The following CFAP20DC variants were observed in gnomAD, a reference collection of about 807,000 sequenced individuals.
CFAP20DC encodes the protein protein CFAP20DC.
A neutral mutation model predicts 101.7 loss-of-function variants in CFAP20DC; 84 were observed. The observed-to-expected ratio is 0.83, with a 90% CI of 0.69 to 0.99. The LOEUF is 0.99. Ranked by LOEUF, CFAP20DC falls within the 50% of genes least tolerant of loss-of-function variation. The pLI, the probability that CFAP20DC is intolerant of heterozygous loss-of-function variation, is 0.00. For synonymous variants in CFAP20DC, 359 were observed against 351.2 expected (o/e 1.02, Z -0.25); for missense variants, 1,007 against 970.3 (o/e 1.04, Z -0.50).
rs1157841056 is a variant in CFAP20DC, at chr3:58,964,310, C to T, written c.279-26548G>A. On this transcript the variant is annotated intron_variant, in intron 4 of 16. Coordinates refer to ENST00000482387, the MANE Select transcript of CFAP20DC (RefSeq NM_001394063.1). The surrounding 1 kb of genome is among the most constrained non-coding windows in gnomAD (Gnocchi z 4.1). ...AAATGCCTTCATGTCCTGAAAAGACCTTTTGAGGTACAGGGCCTAACTGTA... is the reference window on the plus strand; with the variant it reads ...AAATGCCTTCATGTCCTGAAAAGACTTTTTGAGGTACAGGGCCTAACTGTA... Among the ~76,000 whole-genome samples the T allele has an allele frequency of 5.9e-5, 9 of 152,200 alleles. No individual in the cohort carries two copies. Among genetic ancestry groups the T allele is most frequent in the Admixed American group, 5.9e-4 (9 of 15,280 alleles).
intron 5 of CFAP20DC, among the ~76,000 whole-genome samples, chr3:58,922,879 T>C (rs1208600564): frequency 2.0e-5 from 3 of 152,160 alleles, no homozygotes; most frequent in Non-Finnish European, 4.4e-5. Context: ...CTATGTCATA[T>C]TATCCATGAC....
intron 15 of CFAP20DC, among the ~76,000 whole-genome samples, chr3:58,756,900 C>CT (rs1434717980): frequency 6.6e-6 from 1 of 152,016 alleles, no homozygotes; most frequent in Non-Finnish European, 1.5e-5. Context: ...CTTCCTCATC[C>CT]TTTTTTTACA....
Position 58,852,484 on chromosome 3 carries a change from C to A in CFAP20DC, c.1594-3075G>T, listed in dbSNP as rs573882548. Among the ~76,000 whole-genome samples, 1,068 of 152,052 alleles carry A rather than the reference C, an allele frequency of 7.0e-3. 14 individuals are homozygous for A. The highest frequency in any genetic ancestry group is 0.024 in the African/African-American group (1,016 of 41,482). On this transcript the variant is annotated intron_variant, in intron 12 of 16. Coordinates refer to ENST00000482387, the MANE Select transcript of CFAP20DC (RefSeq NM_001394063.1). ...GAATTGAACTCAGCTCTGCACCAAG[C>A]GGACCTAATAGACATCTACAGAACT...
chr3:58,898,635 C>T (rs142834293), intron 6 of CFAP20DC, among the ~76,000 whole-genome samples: 189 of 152,274 alleles, frequency 1.2e-3, no homozygotes, highest in African/African-American at 4.3e-3. Context: ...CAACATGCTC[C>T]TTTAGCTCAG....
chr3:58,874,157 G>C lies in CFAP20DC; in HGVS notation c.716-3848C>G, dbSNP rs1196050588. Among the ~76,000 whole-genome samples, 2 of 152,218 alleles carry C rather than the reference G, an allele frequency of 1.3e-5. No individual in the cohort carries two copies. The highest frequency in any genetic ancestry group is 4.8e-5 in the African/African-American group (2 of 41,456). ...AAAGGCACTTCAAACTGGAAACCTGGTCTAATGAATGGGACCACAATCCAT... is the reference window on the plus strand; with the variant it reads ...AAAGGCACTTCAAACTGGAAACCTGCTCTAATGAATGGGACCACAATCCAT... On this transcript the variant is annotated intron_variant, in intron 7 of 16. Transcript: ENST00000482387. The surrounding 1 kb of genome is among the most constrained non-coding windows in gnomAD (Gnocchi z 5.1).
At chr3:59,030,015 A>G (rs555039844) in intron 4 of CFAP20DC, among the ~76,000 whole-genome samples, 41 of 152,308 alleles carry the variant, frequency 2.7e-4, no homozygotes, top group African/African-American at 9.6e-4. Context: ...ACATAGAAAG[A>G]TGCTGAGGAA....
At chr3:58,802,963 G>A (rs571731064) in intron 15 of CFAP20DC, among the ~76,000 whole-genome samples, 1 of 151,308 alleles carries the variant, frequency 6.6e-6, no homozygotes, top group African/African-American at 2.4e-5. Context: ...GTGACAGAGT[G>A]AGACTGTCTC....
intron 4 of CFAP20DC, chr3:59,017,820 T>G (rs570846147): frequency 2.6e-4 from 39 of 152,240 alleles, no homozygotes; most frequent in African/African-American, 9.4e-4. Flanking sequence ...GAATGATTGA[T>G]TCGGCAGCTC....
chr3:58,954,813 A>G (rs2090474467), intron 4 of CFAP20DC, among the ~76,000 whole-genome samples: 3 of 152,162 alleles, frequency 2.0e-5, no homozygotes, highest in Admixed American at 2.0e-4. Context: ...AATGGTTAAC[A>G]TTCTTTACAA....
rs999167789 is a variant in CFAP20DC at position 58,878,965 on chromosome 3, G to A, written c.715+5580C>T. 6.0e-5 allele frequency among the ~76,000 whole-genome samples: 9 copies of A among 151,232 alleles called. No homozygotes were observed. The South Asian group carries it at 1.3e-3, about 21-fold the overall frequency. ...GGAGCTTGCAGCGAGCCAAGATTGT[G>A]CCACTGCACTCCAGCCTGGGCAACA... On this transcript the variant is annotated intron_variant, in intron 7 of 16. Coordinates refer to ENST00000482387, the MANE Select transcript of CFAP20DC (RefSeq NM_001394063.1).
At chr3:58,880,131 A>C (rs1014399878) in intron 7 of CFAP20DC, among the ~76,000 whole-genome samples, 1 of 152,088 alleles carries the variant, frequency 6.6e-6, no homozygotes, top group Non-Finnish European at 1.5e-5. Context: ...ATAGTTGGAA[A>C]ATTAAAATTC....
intron 3 of CFAP20DC, among the ~76,000 whole-genome samples, chr3:59,041,173 T>C (rs1186745031): frequency 6.6e-6 from 1 of 152,118 alleles, no homozygotes; most frequent in African/African-American, 2.4e-5. Context: ...GCAGGATAAG[T>C]GAAATCAGTC....
intron 13 of CFAP20DC, among the ~76,000 whole-genome samples, chr3:58,848,545 G>A (rs374869541): frequency 6.6e-5 from 10 of 152,086 alleles, no homozygotes; most frequent in African/African-American, 9.7e-5. Flanking sequence ...CAAACTAGCC[G>A]AGGGATTTAT....
At chr3:58,860,040 G>A (rs1001340496) in intron 12 of CFAP20DC, among the ~76,000 whole-genome samples, 6 of 151,886 alleles carry the variant, frequency 4.0e-5, no homozygotes, top group African/African-American at 1.2e-4. Context: ...AGCCAGGCGT[G>A]GTGGTGTGTA....
chr3:58,848,918 A>C, intron 13 of CFAP20DC, 114 bp downstream of exon 13: 1 of 1,274,206 alleles, frequency 7.8e-7, no homozygotes, highest in Non-Finnish European at 1.1e-6. Flanking sequence ...AAGAAAATAC[A>C]ACACTCATCA....
chr3:58,899,280 A>G lies in CFAP20DC; in HGVS notation c.550+14428T>C, dbSNP rs1431284232. On this transcript the variant is annotated intron_variant, in intron 6 of 16. Transcript: ENST00000482387. This position sits in a 1 kb window ranked among gnomAD's most constrained non-coding sequence, Gnocchi z 5.0. ...GCTGTCTGGACTCTCCAGAGCTGGCAGGTTGGAACTGCTGAGTTGCCTAAA... is the reference window on the plus strand; with the variant it reads ...GCTGTCTGGACTCTCCAGAGCTGGCGGGTTGGAACTGCTGAGTTGCCTAAA... Among the ~76,000 whole-genome samples the G allele has an allele frequency of 6.6e-6, 1 of 152,236 alleles. No homozygotes were observed. The highest frequency in any genetic ancestry group is 1.5e-5 in the Non-Finnish European group (1 of 68,038).
intron 4 of CFAP20DC, among the ~76,000 whole-genome samples, chr3:58,966,409 T>G (rs985718189): frequency 7.3e-5 from 11 of 150,564 alleles, no homozygotes; most frequent in Admixed American, 7.3e-4. Flanking sequence ...AGAAATAAAT[T>G]TAACAAAAGA....
In CFAP20DC at chr3:58,983,779, A is replaced by G. The variant is rs189064003; in HGVS notation, c.279-46017T>C. ...TGTTGTTTAATCTTCAAGCAACCCC[A>G]TGGGATATGTCCTTTTATTATTCCC... On this transcript the variant is annotated intron_variant, in intron 4 of 16. Transcript: ENST00000482387. Among the ~76,000 whole-genome samples the G allele has an allele frequency of 1.6e-3, 240 of 152,312 alleles. 2 individuals carry two copies. Among genetic ancestry groups the G allele is most frequent in the Non-Finnish European group, 7.4e-4 (50 of 68,010 alleles).
At chr3:58,885,911 A>G (rs1226245174) in intron 6 of CFAP20DC, among the ~76,000 whole-genome samples, 1 of 152,114 alleles carries the variant, frequency 6.6e-6, no homozygotes, top group Non-Finnish European at 1.5e-5. Context: ...TAGTGCTGCA[A>G]TAAACATGGG....
Sources: allele counts gnomAD v4.1 joint callset (sites outside exome capture counted in the v4.1 genomes callset), GRCh38; gene constraint gnomAD v4.1.1; non-coding constraint Gnocchi (gnomAD v3.1); transcripts MANE v1.5; gene names NCBI Gene and HGNC (gene_info 2026-07-23, HGNC 2026-07-21).